Variants in GABRG3 observed in about 807,000 individuals in gnomAD.
The protein encoded by GABRG3 is gamma-aminobutyric acid receptor subunit gamma-3.
In GABRG3, 25 loss-of-function variants were observed where a neutral mutation model predicts 48.8. That is an observed-to-expected ratio of 0.51 (90% CI 0.37 to 0.72). The LOEUF is 0.72. GABRG3 is among the 30% of genes least tolerant of loss of function. The pLI, the probability that GABRG3 is intolerant of heterozygous loss-of-function variation, is 0.00. For synonymous variants in GABRG3, 227 were observed against 217.6 expected (o/e 1.04, Z -0.38); for missense variants, 394 against 577.9 (o/e 0.68, Z 3.26).
chr15:27,424,885 G>T (rs767646478), intron 5 of GABRG3, among the ~76,000 whole-genome samples: 9 of 152,108 alleles, frequency 5.9e-5, no homozygotes, highest in Non-Finnish European at 8.8e-5. Flanking sequence ...TCACATTGGT[G>T]ATTACATTTC....
At chr15:26,995,824 A>T (rs1044318596) in intron 2 of GABRG3, among the ~76,000 whole-genome samples, 5 of 151,998 alleles carry the variant, frequency 3.3e-5, no homozygotes. Context: ...CAAACCTAAA[A>T]ATTTATTTTC....
intron 3 of GABRG3, among the ~76,000 whole-genome samples, chr15:27,200,194 C>T (rs1888636031): frequency 6.6e-6 from 1 of 152,154 alleles, no homozygotes; most frequent in African/African-American, 2.4e-5. Flanking sequence ...GGGTATAGAC[C>T]AGTAATGTTT....
intron 3 of GABRG3, among the ~76,000 whole-genome samples, chr15:27,267,866 G>T (rs1014176561): frequency 1.3e-5 from 2 of 152,068 alleles, no homozygotes; most frequent in Non-Finnish European, 2.9e-5. Context: ...GCAGATCCTA[G>T]GCCAACCTTA....
chr15:27,296,695 T>C (rs1196432284), intron 3 of GABRG3, among the ~76,000 whole-genome samples: 1 of 152,164 alleles, frequency 6.6e-6, no homozygotes, highest in African/African-American at 2.4e-5. Context: ...GTGATGCTGG[T>C]GCAAACAAAC....
chr15:27,225,446 T>C (rs1889582069), intron 3 of GABRG3, among the ~76,000 whole-genome samples: 1 of 152,000 alleles, frequency 6.6e-6, no homozygotes. Flanking sequence ...GGGCTGCCGA[T>C]TGTTTAGTCT....
chr15:27,534,290 T>C lies in GABRG3; in HGVS notation c.*1409T>C, dbSNP rs1480778214. ...CAAGATTATTTTATACTTTGAAATA[T>C]GGATACATAGCAAAATCCCAAAGAA... On this transcript the variant is annotated 3_prime_UTR_variant, in exon 10 of 10. Transcript: ENST00000615808. The C allele has an allele frequency of 2.0e-5, 3 of 152,350 alleles. No individual in the cohort carries two copies. Among genetic ancestry groups the C allele is most frequent in the Admixed American group, 6.5e-5 (1 of 15,300 alleles). The allele number at this position is 152,350 out of a possible 1,614,324, so 9.4% of individuals were successfully genotyped here. A position where few individuals can be genotyped will look rare whatever the true frequency, so the allele number is the denominator to read the frequency against.
rs147567936 is a variant in GABRG3 at position 27,226,997 on chromosome 15, T to C, written c.271-99812T>C. On this transcript the variant is annotated intron_variant, in intron 3 of 9. Coordinates refer to ENST00000615808, the MANE Select transcript of GABRG3 (RefSeq NM_033223.5). ...ATTCTCCTTTAATAAAACGTTGATA[T>C]CAGGGAAAAAAAACTGAAAGAAAAA... Among the ~76,000 whole-genome samples the C allele has an allele frequency of 5.7e-3, 861 of 152,072 alleles. 14 individuals carry two copies. The highest frequency in any genetic ancestry group is 0.02 in the African/African-American group (838 of 41,462).
chr15:27,171,556 GTA>G (rs1415461458), intron 3 of GABRG3, among the ~76,000 whole-genome samples: 1 of 142,070 alleles, frequency 7.0e-6, no homozygotes, highest in Non-Finnish European at 1.5e-5. Context: ...GTATATATAT[GTA>G]TATGTATATA....
chr15:27,046,717 A>G (rs1896371718), intron 3 of GABRG3, among the ~76,000 whole-genome samples: 1 of 152,206 alleles, frequency 6.6e-6, no homozygotes, highest in African/African-American at 2.4e-5. Context: ...TATGTGAGGT[A>G]TCTTTTTTGG....
intron 3 of GABRG3, among the ~76,000 whole-genome samples, chr15:27,192,266 TG>T (rs1888339953): frequency 6.6e-6 from 1 of 152,182 alleles, no homozygotes; most frequent in African/African-American, 2.4e-5. Flanking sequence ...ATCTGAACGT[TG>T]GCCTGCCTTG....
At chr15:27,075,970 G>T (rs193050005) in intron 3 of GABRG3, among the ~76,000 whole-genome samples, 306 of 152,310 alleles carry the variant, frequency 2.0e-3, no homozygotes, top group Non-Finnish European at 3.7e-3. Context: ...AGTGCTGCTA[G>T]TGTTTGCGCA....
chr15:27,478,560 T>C (rs981575804), intron 5 of GABRG3, among the ~76,000 whole-genome samples: 4 of 152,236 alleles, frequency 2.6e-5, no homozygotes, highest in African/African-American at 9.6e-5. Context: ...TATAGAATTT[T>C]ATGTTCCAGC....
intron 3 of GABRG3, among the ~76,000 whole-genome samples, chr15:27,294,573 G>A (rs1891914032): frequency 6.6e-6 from 1 of 152,136 alleles, no homozygotes; most frequent in South Asian, 2.1e-4. Context: ...ATTTGTTCCA[G>A]TGCAGTGGTT....
chr15:27,256,762 G>A lies in GABRG3; in HGVS notation c.271-70047G>A, dbSNP rs28539801. Among the ~76,000 whole-genome samples, 1,094 of 152,260 alleles carry A rather than the reference G, an allele frequency of 7.2e-3. 12 individuals carry two copies. Among genetic ancestry groups the A allele is most frequent in the African/African-American group, 0.025 (1,048 of 41,546 alleles). On this transcript the variant is annotated intron_variant, in intron 3 of 9. Transcript: ENST00000615808. ...ATTATCCTATCCTATGCACAGGAAT[G>A]GGTAAAGACCCCTTAAACAAAAATG...
Position 27,480,686 on chromosome 15 carries a change from GA to G in GABRG3, c.617del (p.Asn206IlefsTer28). Reference sequence around the variant, plus strand: ...AAAGAAGAAATGATTTATAGATGGAGAAAAAATTCAGTGGAGGCAGCTGACC... The same window carrying G: ...AAAGAAGAAATGATTTATAGATGGAGAAAAATTCAGTGGAGGCAGCTGACC... ...YPKEEMIYRWRKNSVEAADQK... is the reference protein window; with the variant it reads ...YPKEEMIYRWXKNSVEAADQK... On this transcript the variant is annotated frameshift_variant, in exon 6 of 10. Coordinates refer to ENST00000615808, the MANE Select transcript of GABRG3 (RefSeq NM_033223.5). LOFTEE classifies it high-confidence loss of function. 6.2e-7 allele frequency: 1 copy of G among 1,611,640 alleles called. No individual in the cohort carries two copies. Among genetic ancestry groups the G allele is most frequent in the Non-Finnish European group, 8.5e-7 (1 of 1,178,716 alleles).
chr15:27,212,340 C>T (rs1489108472), intron 3 of GABRG3, among the ~76,000 whole-genome samples: 1 of 152,154 alleles, frequency 6.6e-6, no homozygotes, highest in Non-Finnish European at 1.5e-5. Flanking sequence ...ATATTTGGCC[C>T]AGCTTCCTCA....
intron 3 of GABRG3, among the ~76,000 whole-genome samples, chr15:27,170,993 G>C (rs1460853392): frequency 1.3e-5 from 2 of 152,076 alleles, no homozygotes; most frequent in Non-Finnish European, 2.9e-5. Context: ...TTTAGCACTC[G>C]CTCTTAGCTG....
intron 3 of GABRG3, among the ~76,000 whole-genome samples, chr15:27,102,789 T>C (rs1897383699): frequency 6.6e-6 from 1 of 152,206 alleles, no homozygotes; most frequent in Non-Finnish European, 1.5e-5. Context: ...TCATGTGTGG[T>C]TGTTAATATC....
At chr15:27,113,778 C>T (rs1037470703) in intron 3 of GABRG3, among the ~76,000 whole-genome samples, 1 of 152,110 alleles carries the variant, frequency 6.6e-6, no homozygotes, top group Non-Finnish European at 1.5e-5. Flanking sequence ...TATGTTTAAT[C>T]GCAGGTGGGG....
Sources: allele counts gnomAD v4.1 joint callset (sites outside exome capture counted in the v4.1 genomes callset), GRCh38; gene constraint gnomAD v4.1.1; transcripts MANE v1.5; gene names NCBI Gene and HGNC (gene_info 2026-07-23, HGNC 2026-07-21).